Variants in PCDH15 observed in about 807,000 individuals in gnomAD.
The protein encoded by PCDH15 is protocadherin related 15.
PCDH15 carries 129 observed loss-of-function variants against 178.5 expected under a neutral mutation model. That is an observed-to-expected ratio of 0.72 (90% CI 0.63 to 0.84). The LOEUF (loss-of-function observed/expected upper bound fraction) is 0.84. Ranked by LOEUF, PCDH15 falls within the 40% of genes least tolerant of loss-of-function variation. The pLI is 0.00. For missense variants in PCDH15, 2,230 were observed against 2,099.9 expected (o/e 1.06, Z -1.21); for synonymous variants, 800 against 732.0 (o/e 1.09, Z -1.50).
chr10:55,500,950 AT>A (rs1346924108), intron 2 of PCDH15, among the ~76,000 whole-genome samples: 1 of 151,770 alleles, frequency 6.6e-6, no homozygotes, highest in African/African-American at 2.4e-5. Flanking sequence ...ACAGTTGGAC[AT>A]TTTAATGGGT....
rs140289259 is a variant in PCDH15, at chr10:55,105,278, G to A, written c.-80+61298C>T. ...ATTTTTTAAAATATTTCTCATATAT[G>A]TGATTCATCTTTTTACAAATTGTTG... On this transcript the variant is annotated intron_variant, in intron 2 of 5. Coordinates refer to the PCDH15 transcript ENST00000458638. Among the ~76,000 whole-genome samples, 358 of 151,810 alleles carry A rather than the reference G, an allele frequency of 2.4e-3. 2 individuals carry two copies. The highest frequency in any genetic ancestry group is 8.1e-3 in the African/African-American group (337 of 41,394).
At chr10:54,670,222 G>C (rs187910638) in intron 1 of PCDH15, among the ~76,000 whole-genome samples, 1 of 151,932 alleles carries the variant, frequency 6.6e-6, no homozygotes, top group African/African-American at 2.4e-5. Flanking sequence ...CATTTACAAG[G>C]TCTTTCATTT....
At chr10:55,402,038 T>C (rs1023731523) in intron 2 of PCDH15, among the ~76,000 whole-genome samples, 3 of 151,416 alleles carry the variant, frequency 2.0e-5, no homozygotes, top group Non-Finnish European at 3.0e-5. Context: ...TTCTCTCTAA[T>C]TGCAAAGGTC....
At chr10:54,468,416 C>T (rs2077673925) in intron 3 of PCDH15, among the ~76,000 whole-genome samples, 1 of 151,696 alleles carries the variant, frequency 6.6e-6, no homozygotes, top group African/African-American at 2.4e-5. Flanking sequence ...ATATTCTTGA[C>T]CCAATGGTCA....
At chr10:54,316,535 C>A (rs943368846) in intron 8 of PCDH15, among the ~76,000 whole-genome samples, 1 of 41,104 alleles carries the variant, frequency 2.4e-5, no homozygotes, top group Non-Finnish European at 4.9e-5. Flanking sequence ...TGTATACACA[C>A]ACACACACAC....
At chr10:55,089,594 A>G (rs1021457095) in intron 2 of PCDH15, among the ~76,000 whole-genome samples, 3 of 152,158 alleles carry the variant, frequency 2.0e-5, no homozygotes, top group Admixed American at 1.3e-4. Context: ...CGCTTCTTAC[A>G]TAATAACCTG....
intron 2 of PCDH15, among the ~76,000 whole-genome samples, chr10:55,524,612 G>C (rs1030123646): frequency 6.6e-6 from 1 of 151,236 alleles, no homozygotes; most frequent in Non-Finnish European, 1.5e-5. Context: ...CTCTTGGTGG[G>C]TAATTTCATA....
At chr10:53,836,323 AAGG>A (rs1241091654) in intron 29 of PCDH15, among the ~76,000 whole-genome samples, 4 of 152,164 alleles carry the variant, frequency 2.6e-5, no homozygotes, top group Non-Finnish European at 4.4e-5. Flanking sequence ...CAGGCTGTAC[AAGG>A]AGAACAGAGG....
intron 2 of PCDH15, among the ~76,000 whole-genome samples, chr10:55,616,012 G>A (rs1032024845): frequency 1.3e-5 from 2 of 152,186 alleles, no homozygotes; most frequent in African/African-American, 4.8e-5. Flanking sequence ...CCAAGATTAA[G>A]CTGGAGTCAC....
At chr10:54,432,068 C>T (rs1957032752) in intron 3 of PCDH15, among the ~76,000 whole-genome samples, 1 of 151,754 alleles carries the variant, frequency 6.6e-6, no homozygotes, top group Admixed American at 6.6e-5. Flanking sequence ...GAATTTAAAG[C>T]ATACAAAGAA....
chr10:55,493,169 A>C (rs1468320187), intron 2 of PCDH15, among the ~76,000 whole-genome samples: 1 of 151,742 alleles, frequency 6.6e-6, no homozygotes, highest in Non-Finnish European at 1.5e-5. Flanking sequence ...AATTTGGGAA[A>C]AAATCTTAAC....
chr10:54,924,554 C>G (rs1591786776), intron 2 of PCDH15, among the ~76,000 whole-genome samples: 1 of 150,122 alleles, frequency 6.7e-6, no homozygotes, highest in East Asian at 1.9e-4. Context: ...AATTTACACT[C>G]CCCCCATAGC....
chr10:55,051,045 C>A (rs1841148768), intron 2 of PCDH15, among the ~76,000 whole-genome samples: 1 of 152,016 alleles, frequency 6.6e-6, no homozygotes, highest in African/African-American at 2.4e-5. Context: ...TGTACAATAT[C>A]CCATATACTT....
chr10:53,866,585 A>C, intron 27 of PCDH15, 57 bp downstream of exon 27: 1 of 1,293,500 alleles, frequency 7.7e-7, no homozygotes, highest in Non-Finnish European at 1.1e-6. Flanking sequence ...AACTGAAAAC[A>C]CTGACCTATG....
chr10:54,648,213 G>A (rs944846899), intron 2 of PCDH15, among the ~76,000 whole-genome samples: 17 of 152,120 alleles, frequency 1.1e-4, no homozygotes, highest in East Asian at 1.9e-4. Flanking sequence ...GTGAACTATT[G>A]ACACTGCACC....
chr10:54,426,227 T>A (rs1956251492), intron 3 of PCDH15, among the ~76,000 whole-genome samples: 1 of 152,268 alleles, frequency 6.6e-6, no homozygotes, highest in African/African-American at 2.4e-5. Context: ...TTAATTTTGT[T>A]TATACCAGTG....
At chr10:54,741,697 C>T (rs1445075395) in intron 1 of PCDH15, among the ~76,000 whole-genome samples, 1 of 151,994 alleles carries the variant, frequency 6.6e-6, no homozygotes, top group Non-Finnish European at 1.5e-5. Context: ...TGAGTCTGGT[C>T]ACATTGCTTG....
At chr10:55,368,139 A>G (rs1845412182) in intron 2 of PCDH15, among the ~76,000 whole-genome samples, 1 of 152,146 alleles carries the variant, frequency 6.6e-6, no homozygotes, top group Non-Finnish European at 1.5e-5. Context: ...CAATAAAGAC[A>G]GAATGATATT....
intron 2 of PCDH15, among the ~76,000 whole-genome samples, chr10:54,595,747 A>AAAAC (rs571661139): frequency 5.8e-4 from 87 of 150,098 alleles, no homozygotes; most frequent in African/African-American, 2.0e-3. Context: ...CCAGTACAGA[A>AAAAC]AAACAAACAA....
Sources: gnomAD v4.1 joint callset for allele counts (sites outside exome capture counted in the v4.1 genomes callset) on GRCh38, gnomAD v4.1.1 for gene constraint, MANE v1.5 for transcripts, NCBI Gene and HGNC (gene_info 2026-07-23, HGNC 2026-07-21) for gene names.